Variants in TMTC2 observed in about 807,000 individuals in gnomAD.
TMTC2 encodes protein O-mannosyl-transferase TMTC2.
A neutral mutation model predicts 82.4 loss-of-function variants in TMTC2; 43 were observed. That is an observed-to-expected ratio of 0.52 (90% CI 0.41 to 0.67). The LOEUF (loss-of-function observed/expected upper bound fraction) is 0.67. Among genes scored for constraint, TMTC2 ranks in the 30% least tolerant of loss-of-function variants. The probability of loss-of-function intolerance (pLI) is 0.00; values close to 1 mark genes in which losing one functional copy is unlikely to be tolerated. For missense variants in TMTC2, 919 were observed against 1,012.4 expected, an observed-to-expected ratio of 0.91 and a Z score of 1.25; for synonymous variants, 408 against 381.9, an observed-to-expected ratio of 1.07 and a Z score of -0.80.
At chr12:82,763,768 A>C (rs1876785027) in intron 1 of TMTC2, among the ~76,000 whole-genome samples, 2 of 152,234 alleles carry the variant, frequency 1.3e-5, no homozygotes, top group South Asian at 2.1e-4. Context: ...AGTACCTTTT[A>C]AAGAGAACCA....
intron 1 of TMTC2, among the ~76,000 whole-genome samples, chr12:82,780,245 C>T (rs957329748): frequency 6.6e-6 from 1 of 152,090 alleles, no homozygotes. Context: ...ATGAAAATAC[C>T]TGGCTCATTT....
chr12:82,865,281 A>G (rs182538628), intron 2 of TMTC2, among the ~76,000 whole-genome samples: 146 of 152,256 alleles, frequency 9.6e-4, no homozygotes, highest in Non-Finnish European at 1.6e-3. Flanking sequence ...ACGTGCAGAG[A>G]CACACATAGG....
intron 6 of TMTC2, 176 bp downstream of exon 6, chr12:82,965,920 C>A: frequency 7.7e-6 from 5 of 646,434 alleles, no homozygotes; most frequent in Admixed American, 3.0e-5. Context: ...GTTTTTTGAT[C>A]AAATTTGTTT....
At chr12:82,796,054 G>A (rs1592528567) in intron 1 of TMTC2, among the ~76,000 whole-genome samples, 1 of 152,150 alleles carries the variant, frequency 6.6e-6, no homozygotes, top group Non-Finnish European at 1.5e-5. Flanking sequence ...TTAGAACAGG[G>A]CCAGCCACAT....
chr12:82,828,572 A>G (rs765353034), intron 1 of TMTC2, among the ~76,000 whole-genome samples: 4 of 152,180 alleles, frequency 2.6e-5, no homozygotes, highest in Non-Finnish European at 5.9e-5. Context: ...TCTTTGTAAA[A>G]TAGTCAAATA....
At chr12:82,773,153 CTCT>C (rs1877397176) in intron 1 of TMTC2, among the ~76,000 whole-genome samples, 1 of 152,182 alleles carries the variant, frequency 6.6e-6, no homozygotes, top group Non-Finnish European at 1.5e-5. Context: ...TCTCCCACCA[CTCT>C]TCTTCTCACT....
At chr12:82,792,755 G>A (rs560694081) in intron 1 of TMTC2, among the ~76,000 whole-genome samples, 51 of 152,190 alleles carry the variant, frequency 3.4e-4, no homozygotes, top group African/African-American at 1.2e-3. Context: ...ATAGGCCTGA[G>A]ACACTGCACC....
chr12:83,012,174 TCTTA>T (rs1181388653), intron 8 of TMTC2, among the ~76,000 whole-genome samples: 1 of 152,192 alleles, frequency 6.6e-6, no homozygotes, highest in Non-Finnish European at 1.5e-5. Flanking sequence ...ATCAGCTTGG[TCTTA>T]CTTATTTTTT....
At chr12:83,018,873 G>A (rs1221980524) in intron 8 of TMTC2, among the ~76,000 whole-genome samples, 1 of 152,166 alleles carries the variant, frequency 6.6e-6, no homozygotes, top group African/African-American at 2.4e-5. Flanking sequence ...CATTCTTCGT[G>A]CATCTTTGAC....
At chr12:83,115,789 T>G (rs1884735830) in intron 11 of TMTC2, among the ~76,000 whole-genome samples, 1 of 152,016 alleles carries the variant, frequency 6.6e-6, no homozygotes, top group South Asian at 2.1e-4. Flanking sequence ...TTTCTGTTGT[T>G]GTTGTTGTTG....
chr12:82,994,562 A>G (rs184334979), intron 8 of TMTC2, among the ~76,000 whole-genome samples: 1 of 151,654 alleles, frequency 6.6e-6, no homozygotes, highest in African/African-American at 2.4e-5. Flanking sequence ...GATATTCCAT[A>G]TTACTGGAGG....
chr12:82,962,946 C>T (rs1194263716), intron 4 of TMTC2, among the ~76,000 whole-genome samples: 1 of 151,808 alleles, frequency 6.6e-6, no homozygotes, highest in Non-Finnish European at 1.5e-5. Context: ...CTCCCAGGAG[C>T]CCAGGAAATA....
At chr12:82,970,655 A>G (rs1357360741) in intron 7 of TMTC2, among the ~76,000 whole-genome samples, 1 of 152,132 alleles carries the variant, frequency 6.6e-6, no homozygotes, top group African/African-American at 2.4e-5. Context: ...TAAACTCCAA[A>G]AGTTGATTGT....
intron 4 of TMTC2, among the ~76,000 whole-genome samples, chr12:82,937,901 T>C (rs1440634169): frequency 2.4e-5 from 3 of 127,484 alleles, no homozygotes; most frequent in South Asian, 2.7e-4. Flanking sequence ...ACACCATAGA[T>C]TCAAACCTTT....
intron 11 of TMTC2, among the ~76,000 whole-genome samples, chr12:83,074,824 C>T (rs1883232609): frequency 6.6e-6 from 1 of 152,152 alleles, no homozygotes; most frequent in South Asian, 2.1e-4. Context: ...TGGTTCTTCC[C>T]CCGCCTTTGG....
chr12:82,903,353 T>C (rs1167241619), intron 3 of TMTC2, among the ~76,000 whole-genome samples: 5 of 152,370 alleles, frequency 3.3e-5, no homozygotes, highest in East Asian at 1.9e-4. Context: ...ATGAACGTGT[T>C]GTCAGCATAC....
intron 1 of TMTC2, among the ~76,000 whole-genome samples, chr12:82,837,095 A>G (rs879317655): frequency 1.3e-5 from 2 of 152,210 alleles, no homozygotes; most frequent in Non-Finnish European, 2.9e-5. Flanking sequence ...ATTTTGACAA[A>G]AACTGAAGCC....
rs532373424 is a variant in TMTC2, at chr12:82,717,286, G to A, written c.83+29617G>A. Among the ~76,000 whole-genome samples the A allele has an allele frequency of 7.3e-5, 11 of 150,846 alleles. No individual in the cohort carries two copies. The South Asian group carries it at 1.5e-3, about 20-fold the overall frequency. On this transcript the variant is annotated intron_variant, in intron 1 of 11. Transcript: ENST00000321196. ...GTCGCCCAGGCTGTAGTGCAATGGC[G>A]TGATCTCATCTCACCACAACCTCCA...
intron 2 of TMTC2, among the ~76,000 whole-genome samples, chr12:82,893,081 A>G (rs1002093268): frequency 6.6e-6 from 1 of 152,068 alleles, no homozygotes; most frequent in Non-Finnish European, 1.5e-5. Flanking sequence ...TTTAAAAGTT[A>G]GATTGGTGGG....
Sources: allele counts gnomAD v4.1 joint callset (sites outside exome capture counted in the v4.1 genomes callset), GRCh38; gene constraint gnomAD v4.1.1; transcripts MANE v1.5; gene names NCBI Gene and HGNC (gene_info 2026-07-23, HGNC 2026-07-21).